The following DNAJB11 variants were observed in gnomAD, a reference collection of about 807,000 sequenced individuals.
DNAJB11 encodes dnaJ homolog subfamily B member 11.
In DNAJB11, 30 loss-of-function variants were observed where a neutral mutation model predicts 47.2. The observed-to-expected ratio is 0.64, with a 90% CI of 0.48 to 0.86. The LOEUF is 0.86. Ranked by LOEUF, DNAJB11 falls within the 40% of genes least tolerant of loss-of-function variation. DNAJB11 has a pLI of 0.00. For missense variants in DNAJB11, 357 were observed against 440.2 expected, an observed-to-expected ratio of 0.81 and a Z score of 1.69; for synonymous variants, 151 against 159.9, an observed-to-expected ratio of 0.94 and a Z score of 0.42.
At chr3:186,584,383 T>C in intron 8 of DNAJB11, 47 bp from the exon 9 acceptor site, 1 of 1,502,254 alleles carries the variant, frequency 6.7e-7, no homozygotes, top group Non-Finnish European at 8.8e-7. Flanking sequence ...TGTGATGTAC[T>C]TCAGATGTAC....
At position 186,570,884 on chromosome 3, in the gene DNAJB11, G is replaced by C; in HGVS notation, c.-14G>C. 6.2e-7 allele frequency: 1 copy of C among 1,602,690 alleles called. No individual in the cohort carries two copies. The highest frequency in any genetic ancestry group is 8.5e-7 in the Non-Finnish European group (1 of 1,174,504). ...GTGAGGAGTGTGTGGAACAGGACCCGGGACAGAGGAACCATGGCTCCGCAG... is the reference window on the plus strand; with the variant it reads ...GTGAGGAGTGTGTGGAACAGGACCCCGGACAGAGGAACCATGGCTCCGCAG... On this transcript the variant is annotated 5_prime_UTR_variant, in exon 1 of 10. Transcript: ENST00000265028.
chr3:186,572,044 A>G, intron 1 of DNAJB11, 51 bp from the exon 2 acceptor site: 5 of 1,448,072 alleles, frequency 3.5e-6, no homozygotes, highest in Non-Finnish European at 4.6e-6. Context: ...TTACTTTGAA[A>G]AATGTAACAT....
intron 7 of DNAJB11, 54 bp downstream of exon 7, chr3:186,582,827 A>T: frequency 7.6e-7 from 1 of 1,307,690 alleles, no homozygotes; most frequent in Non-Finnish European, 1.1e-6. Context: ...ATAGAGACGT[A>T]GGTGGCCACC....
At chr3:186,582,846 T>C in intron 7 of DNAJB11, 73 bp downstream of exon 7, 1 of 1,090,262 alleles carries the variant, frequency 9.2e-7, no homozygotes, top group South Asian at 1.3e-5. Context: ...CCAGAGCAGT[T>C]AGACTTTTTT....
At chr3:186,576,194 CAT>C (rs1324032068) in intron 3 of DNAJB11, among the ~76,000 whole-genome samples, 1 of 152,220 alleles carries the variant, frequency 6.6e-6, no homozygotes, top group African/African-American at 2.4e-5. Context: ...TTCACGGGGA[CAT>C]GTGTTGGAAA....
chr3:186,571,014 CT>C, intron 1 of DNAJB11, 49 bp downstream of exon 1: 3 of 246,562 alleles, frequency 1.2e-5, no homozygotes, highest in African/African-American at 3.0e-5. Context: ...TCAGCCTTTG[CT>C]GGGGGGTGGG....
At chr3:186,575,282 A>T (rs1215133947) in intron 2 of DNAJB11, among the ~76,000 whole-genome samples, 2 of 152,236 alleles carry the variant, frequency 1.3e-5, no homozygotes, top group African/African-American at 4.8e-5. Flanking sequence ...AAGGAGGATG[A>T]AAAGATATCA....
At chr3:186,584,696 C>A in intron 9 of DNAJB11, 107 bp downstream of exon 9, 2 of 1,155,558 alleles carry the variant, frequency 1.7e-6, no homozygotes, top group Non-Finnish European at 2.3e-6. Flanking sequence ...TGACATGAGA[C>A]ATCAATCATT....
In DNAJB11 at chr3:186,585,563, T is replaced by C. The variant is rs1715658002; in HGVS notation, c.*155T>C. 2 of 470,988 alleles carry C rather than the reference T, an allele frequency of 4.2e-6. No homozygotes were observed. Among genetic ancestry groups the C allele is most frequent in the South Asian group, 5.8e-5 (2 of 34,692 alleles). 29.2% of individuals were successfully genotyped at this position (470,988 alleles called of 1,614,324 possible). On this transcript the variant is annotated 3_prime_UTR_variant, in exon 10 of 10. Transcript: ENST00000265028. ...TCATCATGAAATGAATAAGAGGGCT[T>C]AAGAATTTGTCCATTTGCATTCGGA...
rs146095171 is a variant in DNAJB11, at chr3:186,581,465, G to A, written c.551G>A (p.Arg184His). ...EMRTTQLGPGRFQMTQEVVCD... is the reference protein window; with the variant it reads ...EMRTTQLGPGHFQMTQEVVCD... The stretch of plus-strand genomic sequence containing the variant: ...CGGACCACCCAGCTGGGCCCTGGGC[G>A]CTTCCAAATGACCCAGGAGGTGGTC... The change falls in exon 5 of 10, where the codon CGC becomes CAC. Residue 184 changes from arginine (R) to histidine (H), a missense_variant. Arg to His is a conservative substitution (Grantham distance 29). Coordinates refer to ENST00000265028, the MANE Select transcript of DNAJB11 (RefSeq NM_016306.6). 3 of 1,613,724 alleles carry A rather than the reference G, an allele frequency of 1.9e-6. No homozygotes were observed. The highest frequency in any genetic ancestry group is 2.5e-6 in the Non-Finnish European group (3 of 1,179,920).
chr3:186,585,389 A>G lies in DNAJB11; in HGVS notation c.1058A>G (p.Asn353Ser), dbSNP rs1715650304. The stretch of plus-strand genomic sequence containing the variant: ...CAAGGGTCAGTGCAGAAGGTATACA[A>G]TGGACTGCAAGGATATTGAGAGTGA... ...LKQGSVQKVY[N>S]GLQGY Residue 353 changes from asparagine to serine, a missense_variant, in exon 10 of 10, where the codon AAT becomes AGT. Physicochemically the swap from Asn to Ser is conservative, Grantham distance 46. Coordinates refer to ENST00000265028, the MANE Select transcript of DNAJB11 (RefSeq NM_016306.6). 1 of 1,610,874 alleles carries G rather than the reference A, an allele frequency of 6.2e-7. No homozygotes were observed. Among genetic ancestry groups the G allele is most frequent in the African/African-American group, 1.3e-5 (1 of 74,858 alleles).
At position 186,581,375 on chromosome 3, in the gene DNAJB11, T is replaced by A; in HGVS notation, c.461T>A (p.Val154Asp). Reference protein sequence around the residue: ...EVYAGNFVEVVRNKPVARQAP... With the variant: ...EVYAGNFVEVDRNKPVARQAP... ...TGTTGTTTATGCACTTCCTAGGTAG[T>A]TAGAAACAAACCTGTGGCAAGGCAG... The change falls in exon 5 of 10, where the codon GTT becomes GAT. Residue 154 changes from valine to aspartate, a missense_variant. Coordinates refer to ENST00000265028, the MANE Select transcript of DNAJB11 (RefSeq NM_016306.6). The A allele has an allele frequency of 6.2e-7, 1 of 1,613,772 alleles. No individual in the cohort carries two copies. The highest frequency in any genetic ancestry group is 8.5e-7 in the Non-Finnish European group (1 of 1,179,886).
Position 186,585,509 on chromosome 3 carries a change from A to G in DNAJB11, c.*101A>G. The stretch of plus-strand genomic sequence containing the variant: ...GTTTTTGTTTTTATTTTCAATATGC[A>G]AGTTAGGCTTAATTTTTTTATCTAA... On this transcript the variant is annotated 3_prime_UTR_variant, in exon 10 of 10. Coordinates refer to ENST00000265028, the MANE Select transcript of DNAJB11 (RefSeq NM_016306.6). 1.3e-6 allele frequency: 1 copy of G among 794,738 alleles called. No individual in the cohort carries two copies. The highest frequency in any genetic ancestry group is 1.7e-5 in the South Asian group (1 of 57,320). The allele number at this position is 794,738 out of a possible 1,614,324, so 49.2% of individuals were successfully genotyped here.
At chr3:186,583,403 TATC>T (rs1715552627) in intron 7 of DNAJB11, among the ~76,000 whole-genome samples, 1 of 152,246 alleles carries the variant, frequency 6.6e-6, no homozygotes, top group Non-Finnish European at 1.5e-5. Flanking sequence ...ACCTTGTCTT[TATC>T]ATCACTTCTT....
rs1297965192 is a variant in DNAJB11 at position 186,583,961 on chromosome 3, C to T, written c.837C>T (p.His279=). The T allele has an allele frequency of 6.2e-7, 1 of 1,611,828 alleles. No individual in the cohort carries two copies. The highest frequency in any genetic ancestry group is 8.5e-7 in the Non-Finnish European group (1 of 1,178,130). The change falls in exon 8 of 10, where the codon CAC becomes CAT. Residue 279 remains histidine, a synonymous_variant. Coordinates refer to ENST00000265028, the MANE Select transcript of DNAJB11 (RefSeq NM_016306.6). The part of the protein sequence containing the change: ...SLVGFEMDIT[H]LDGHKVHISR... Reference sequence around the variant, plus strand: ...TTGGCTTTGAGATGGATATTACTCACTTGGATGGTCACAAGGTAAACAAAC... The same window carrying T: ...TTGGCTTTGAGATGGATATTACTCATTTGGATGGTCACAAGGTAAACAAAC...
chr3:186,581,656 A>T, intron 5 of DNAJB11, 143 bp downstream of exon 5: 1 of 999,412 alleles, frequency 1.0e-6, no homozygotes, highest in South Asian at 1.9e-5. Flanking sequence ...AAAACAATGT[A>T]CATTTTTTTC....
chr3:186,573,886 C>A (rs1237380860), intron 2 of DNAJB11, among the ~76,000 whole-genome samples: 1 of 152,232 alleles, frequency 6.6e-6, no homozygotes, highest in Non-Finnish European at 1.5e-5. Flanking sequence ...TTACCATGCT[C>A]TCTAAAGAAT....
chr3:186,580,111 C>G (rs763883425), intron 4 of DNAJB11: 1 of 152,164 alleles, frequency 6.6e-6, no homozygotes, highest in Non-Finnish European at 1.5e-5. Flanking sequence ...AGAGGTGAGC[C>G]TAATTAGCGC....
At chr3:186,576,705 G>A (rs1192376450) in intron 3 of DNAJB11, among the ~76,000 whole-genome samples, 1 of 152,088 alleles carries the variant, frequency 6.6e-6, no homozygotes, top group Non-Finnish European at 1.5e-5. Flanking sequence ...GCCTGGGGTG[G>A]GGGAGTAGAT....
Sources: gnomAD v4.1 joint callset for allele counts (sites outside exome capture counted in the v4.1 genomes callset) on GRCh38, gnomAD v4.1.1 for gene constraint, MANE v1.5 for transcripts, NCBI Gene and HGNC (gene_info 2026-07-23, HGNC 2026-07-21) for gene names.